Variants in RHEBL1 observed in about 807,000 individuals in gnomAD.
RHEBL1 encodes RHEB like 1, also known as GTPase RhebL1.
A neutral mutation model predicts 27.4 loss-of-function variants in RHEBL1; 22 were observed. The ratio of observed to expected loss-of-function variants is 0.80; its 90% CI spans 0.57 to 1.15. RHEBL1 has a LOEUF of 1.15. RHEBL1 is among the 50% of genes most tolerant of loss of function. The probability of loss-of-function intolerance (pLI) is 0.00; values close to 1 mark genes in which losing one functional copy is unlikely to be tolerated. For synonymous variants in RHEBL1, 85 were observed against 80.8 expected (o/e 1.05, Z -0.28); for missense variants, 186 against 226.5 (o/e 0.82, Z 1.15).
Position 49,065,202 on chromosome 12 carries a change from G to A in RHEBL1, c.463-10C>T. 2 of 1,610,428 alleles carry A rather than the reference G, an allele frequency of 1.2e-6. No homozygotes were observed. Among genetic ancestry groups the A allele is most frequent in the Non-Finnish European group, 1.7e-6 (2 of 1,176,608 alleles). The stretch of plus-strand genomic sequence containing the variant: ...AGATGCCTTGAGTCAGCTATAAGAG[G>A]AGAGGATTCAGGGCAAAAGTCAGTT... On this transcript the variant is annotated splice_polypyrimidine_tract_variant and intron_variant, in intron 7 of 7. Coordinates refer to ENST00000301068, the MANE Select transcript of RHEBL1 (RefSeq NM_144593.3).
chr12:49,066,135 G>T, intron 6 of RHEBL1, 96 bp downstream of exon 6: 2 of 913,340 alleles, frequency 2.2e-6, no homozygotes, highest in South Asian at 1.4e-5. Context: ...GAGGTGAAAT[G>T]ACTTGTTTGA....
rs568099831 is a variant in RHEBL1, at chr12:49,067,836, C to T, written c.125-801G>A. 2.0e-5 allele frequency among the ~76,000 whole-genome samples: 3 copies of T among 152,106 alleles called. 1 individual carries two copies. Among genetic ancestry groups the T allele is most frequent in the African/African-American group, 7.2e-5 (3 of 41,516 alleles). Reference sequence around the variant, plus strand: ...TTTTATTGATGAATAATAGATGTACCAAGTTTCAGGGTACATGTGACAATT... The same window carrying T: ...TTTTATTGATGAATAATAGATGTACTAAGTTTCAGGGTACATGTGACAATT... On this transcript the variant is annotated intron_variant, in intron 2 of 7. Coordinates refer to ENST00000301068, the MANE Select transcript of RHEBL1 (RefSeq NM_144593.3).
Position 49,069,772 on chromosome 12 carries a change from C to T in RHEBL1, c.14G>A (p.Arg5His). The change falls in exon 1 of 8, where the codon CGC (arginine) becomes CAC (histidine). Residue 5 changes from arginine (R) to histidine (H), a missense_variant. Transcript: ENST00000301068. ...TCCGAGGATGACCACCTTCCTGTAG[C>T]GGACTAGCGGCATGGCAGGAGCCCG... is the stretch of plus-strand genomic sequence containing the variant. MPLV[R>H]YRKVVILGYR... is the part of the protein sequence containing the mutation. 2.5e-6 allele frequency: 4 copies of T among 1,613,736 alleles called. No individual in the cohort carries two copies. In the South Asian group the frequency reaches 4.4e-5, roughly 18 times the overall value.
chr12:49,067,097 G>T, intron 2 of RHEBL1, 62 bp from the exon 3 acceptor site: 13 of 880,788 alleles, frequency 1.5e-5, no homozygotes, highest in East Asian at 2.8e-5. Context: ...TATGTCCCCT[G>T]ACTTTTTTTT....
rs1036943739 is a variant in RHEBL1, at chr12:49,069,979, C to T, written c.-194G>A. On this transcript the variant is annotated 5_prime_UTR_variant, in exon 1 of 8. Coordinates refer to ENST00000301068, the MANE Select transcript of RHEBL1 (RefSeq NM_144593.3). ...CGTGATCACAACACAGCACGTCTAA[C>T]GCCAGGGAGCCGGGCGCCCGGGGAA... The T allele has an allele frequency of 2.0e-5, 12 of 599,946 alleles. No homozygotes were observed. Among genetic ancestry groups the T allele is most frequent in the Admixed American group, 1.2e-4 (4 of 34,060 alleles). The allele number at this position is 599,946 out of a possible 1,614,324, so 37.2% of individuals were successfully genotyped here. A position where few individuals can be genotyped will look rare whatever the true frequency, so the allele number is the denominator to read the frequency against.
chr12:49,069,314 G>A, intron 1 of RHEBL1: 2 of 762,834 alleles, frequency 2.6e-6, no homozygotes, highest in East Asian at 2.8e-5. Flanking sequence ...ATTCAGAAGC[G>A]CAGCAGGAAG....
In RHEBL1 at chr12:49,069,080, C is replaced by CA; in HGVS notation, c.78dup (p.Val27CysfsTer27). ...TAGCCTTCCGAGAACTCGCCTTCCA[C>CA]AAATTGATGTGCCAAAGATGTCTTC... On this transcript the variant is annotated frameshift_variant, in exon 2 of 8. Transcript: ENST00000301068. LOFTEE classifies it high-confidence loss of function. 1 of 1,614,206 alleles carries CA rather than the reference C, an allele frequency of 6.2e-7. No individual in the cohort carries two copies. Among genetic ancestry groups the CA allele is most frequent in the Non-Finnish European group, 8.5e-7 (1 of 1,180,026 alleles).
At chr12:49,067,769 G>A (rs146297374) in intron 2 of RHEBL1, among the ~76,000 whole-genome samples, 142 of 152,214 alleles carry the variant, frequency 9.3e-4, no homozygotes, top group African/African-American at 3.3e-3. Flanking sequence ...GACAGAGCGA[G>A]ACTGTCTTGA....
intron 3 of RHEBL1, 74 bp from the exon 4 acceptor site, chr12:49,066,775 A>AGGGAG: frequency 7.1e-7 from 1 of 1,402,558 alleles, no homozygotes; most frequent in Non-Finnish European, 1.0e-6. Context: ...GACAACATCC[A>AGGGAG]GGTGACCCTC....
rs1565839185 is a variant in RHEBL1 at position 49,066,696 on chromosome 12, C to T, written c.198G>A (p.Glu66=). The T allele has an allele frequency of 6.2e-7, 1 of 1,613,716 alleles. No homozygotes were observed. Among genetic ancestry groups the T allele is most frequent in the Admixed American group, 1.7e-5 (1 of 60,026 alleles). Reference sequence around the variant, plus strand: ...TGAATGAATAGGGCAGAATGCTGTACTCATCCTGGCAAGAAATGGGAAACA... The same window carrying T: ...TGAATGAATAGGGCAGAATGCTGTATTCATCCTGGCAAGAAATGGGAAACA... ...LHLVDTAGQD[E]YSILPYSFII... Residue 66 remains glutamate, a synonymous_variant, in exon 4 of 8, where the codon GAG becomes GAA. Transcript: ENST00000301068.
chr12:49,065,081 C>A lies in RHEBL1; in HGVS notation c.*22G>T. On this transcript the variant is annotated 3_prime_UTR_variant, in exon 8 of 8. Transcript: ENST00000301068. ...GCAAGTGCCGGGGGCAGAAGCAAGG[C>A]AGTTACCCCACACCCAAGGGCTCAC... The A allele has an allele frequency of 6.3e-7, 1 of 1,576,636 alleles. No homozygotes were observed. The highest frequency in any genetic ancestry group is 8.7e-7 in the Non-Finnish European group (1 of 1,145,966).
In RHEBL1 at chr12:49,066,681, G is replaced by C; in HGVS notation, c.213C>G (p.Pro71=). 1 of 1,614,014 alleles carries C rather than the reference G, an allele frequency of 6.2e-7. No individual in the cohort carries two copies. Among genetic ancestry groups the C allele is most frequent in the Non-Finnish European group, 8.5e-7 (1 of 1,179,900 alleles). The change falls in exon 4 of 8, where the codon CCC becomes CCG. Residue 71 remains proline, a synonymous_variant. Transcript: ENST00000301068. The part of the protein sequence containing the change: ...TAGQDEYSIL[P]YSFIIGVHGY... ...CATGGACCCCAATGATGAATGAATAGGGCAGAATGCTGTACTCATCCTGGC... is the reference window on the plus strand; with the variant it reads ...CATGGACCCCAATGATGAATGAATACGGCAGAATGCTGTACTCATCCTGGC...
At chr12:49,066,803 T>C in intron 3 of RHEBL1, 102 bp from the exon 4 acceptor site, 1 of 1,167,120 alleles carries the variant, frequency 8.6e-7, no homozygotes, top group East Asian at 2.3e-5. Context: ...CACGCCCTAC[T>C]ATAGTCACTT....
intron 6 of RHEBL1, 148 bp downstream of exon 6, chr12:49,066,083 T>C: frequency 1.5e-6 from 1 of 646,016 alleles, no homozygotes; most frequent in East Asian, 2.7e-5. Flanking sequence ...GCTTTTAAGA[T>C]AGAAGTATTA....
At position 49,066,998 on chromosome 12, in the gene RHEBL1, A is replaced by T; in HGVS notation, c.162T>A (p.Phe54Leu). The T allele has an allele frequency of 6.2e-7, 1 of 1,614,136 alleles. No homozygotes were observed. Among genetic ancestry groups the T allele is most frequent in the East Asian group, 2.2e-5 (1 of 44,888 alleles). ...CTGCTGTGTCCACCAGATGTAGGTG[A>T]AACTCATCTTTGCCAAGAGTCACTA... ...SKIVTLGKDE[F>L]HLHLVDTAGQ... is the part of the protein sequence containing the mutation. The change falls in exon 3 of 8, where the codon TTT (phenylalanine) becomes TTA (leucine). Residue 54 changes from phenylalanine to leucine, a missense_variant. By Grantham distance (22) the Phe-to-Leu change is conservative. This residue lies in a region of RHEBL1 where 34 missense variants were observed against 69.3 expected (regional missense o/e 0.49). Transcript: ENST00000301068.
chr12:49,069,172 G>C (rs1939046613), intron 1 of RHEBL1, 66 bp from the exon 2 acceptor site: 1 of 1,612,326 alleles, frequency 6.2e-7, no homozygotes, highest in African/African-American at 1.3e-5. Context: ...CTGTCCTTTC[G>C]GACTGTGGCC....
In RHEBL1 at chr12:49,069,906, G is replaced by A; in HGVS notation, c.-121C>T. 2.4e-6 allele frequency: 2 copies of A among 827,994 alleles called. No individual in the cohort carries two copies. The highest frequency in any genetic ancestry group is 4.0e-6 in the Non-Finnish European group (2 of 498,504). 51.3% of individuals were successfully genotyped at this position (827,994 alleles called of 1,614,324 possible). On this transcript the variant is annotated 5_prime_UTR_variant, in exon 1 of 8. Transcript: ENST00000301068. ...AGTCGCTCACCCCGAAGCTGCCGTG[G>A]GCAAGTTAGAAGGAAACCAAAACAA...
chr12:49,065,558 G>A (rs1383376780), intron 6 of RHEBL1, 127 bp from the exon 7 acceptor site: 1 of 739,364 alleles, frequency 1.4e-6, no homozygotes, highest in African/African-American at 1.7e-5. Flanking sequence ...ACTTTGGGAG[G>A]CCGAGGTGGT....
chr12:49,066,123 G>A, intron 6 of RHEBL1, 108 bp downstream of exon 6: 1 of 814,492 alleles, frequency 1.2e-6, no homozygotes, highest in Non-Finnish European at 2.1e-6. Flanking sequence ...TAGAGACAAA[G>A]AGAGGTGAAA....
Sources: gnomAD v4.1 joint callset for allele counts (sites outside exome capture counted in the v4.1 genomes callset) on GRCh38, gnomAD v4.1.1 for gene constraint, gnomAD v4.1.1 regional missense constraint, MANE v1.5 for transcripts, NCBI Gene and HGNC (gene_info 2026-07-23, HGNC 2026-07-21) for gene names.